Variants in POLG observed in about 807,000 individuals in gnomAD.
The protein encoded by POLG is DNA polymerase gamma, catalytic subunit.
A neutral mutation model predicts 155.4 loss-of-function variants in POLG; 110 were observed. The ratio of observed to expected loss-of-function variants is 0.71; its 90% confidence interval spans 0.61 to 0.83. The LOEUF (loss-of-function observed/expected upper bound fraction) is 0.83. Ranked by LOEUF, POLG falls within the 40% of genes least tolerant of loss-of-function variation. The pLI is 0.00. For synonymous variants in POLG, 701 were observed against 631.5 expected (o/e 1.11, Z -1.65); for missense variants, 1,685 against 1,627.5 (o/e 1.04, Z -0.61).
In POLG at chr15:89,318,618, G is replaced by A. The variant is rs2307445; in HGVS notation, c.3405C>T (p.Asp1135=). The A allele has an allele frequency of 2.0e-5, 32 of 1,614,064 alleles. No individual in the cohort carries two copies. The highest frequency in any genetic ancestry group is 5.3e-5 in the African/African-American group (4 of 74,930). The change falls in exon 21 of 23, where the codon GAC becomes GAT. Residue 1135 remains aspartate (D), a synonymous_variant. Coordinates refer to ENST00000268124, the MANE Select transcript of POLG (RefSeq NM_002693.3). ...IDGRFCISIH[D]EVRYLVREED... is the part of the protein sequence containing the mutation. ...CCTCCCGCACCAGGTAGCGAACCTCGTCATGGATGCTGATGCAGAAGCGCC... is the reference window on the plus strand; with the variant it reads ...CCTCCCGCACCAGGTAGCGAACCTCATCATGGATGCTGATGCAGAAGCGCC...
rs1596346512 is a variant in POLG at position 89,316,432 on chromosome 15, A to G, written c.*319T>C. The G allele has an allele frequency of 1.2e-6, 2 of 1,611,748 alleles. No homozygotes were observed. The highest frequency in any genetic ancestry group is 1.7e-6 in the Non-Finnish European group (2 of 1,178,582). ...CAGAGCATGGGGGACAGAACAAAGA[A>G]CCAGCCAAGAAGAAAAGGAAAAAAT... On this transcript the variant is annotated 3_prime_UTR_variant, in exon 23 of 23. Transcript: ENST00000268124.
intron 2 of POLG, among the ~76,000 whole-genome samples, chr15:89,331,863 A>C (rs373995892): frequency 6.6e-6 from 1 of 151,700 alleles, no homozygotes; most frequent in East Asian, 1.9e-4. Context: ...TCAACTAAGC[A>C]ATGCCCCGAG....
chr15:89,317,357 A>G lies in POLG; in HGVS notation c.3643+19T>C, dbSNP rs1169851025. 5 of 1,613,344 alleles carry G rather than the reference A, an allele frequency of 3.1e-6. No homozygotes were observed. The highest frequency in any genetic ancestry group is 1.1e-5 in the South Asian group (1 of 91,062). On this transcript the variant is annotated intron_variant, in intron 22 of 22. Transcript: ENST00000268124. ...CCTCAGATCCTATGTGTAATGAGGAACAAATGTGTTGTGCTCACCCTGGGG... is the reference window on the plus strand; with the variant it reads ...CCTCAGATCCTATGTGTAATGAGGAGCAAATGTGTTGTGCTCACCCTGGGG...
chr15:89,328,112 T>C (rs1056296283), intron 6 of POLG, among the ~76,000 whole-genome samples: 1 of 152,178 alleles, frequency 6.6e-6, no homozygotes, highest in African/African-American at 2.4e-5. Flanking sequence ...TATACCTGAA[T>C]TTTCAGCATA....
chr15:89,326,452 G>A (rs2055518695), intron 9 of POLG, among the ~76,000 whole-genome samples, 160 bp downstream of exon 9: 2 of 152,334 alleles, frequency 1.3e-5, no homozygotes, highest in Non-Finnish European at 2.9e-5. Flanking sequence ...TCCAGAGTGA[G>A]CAAATGAGAA....
In POLG at chr15:89,333,185, G is replaced by A; in HGVS notation, c.570C>T (p.Pro190=). The part of the protein sequence containing the change: ...PEGEAVPVAI[P]EERALVFDVE... ...CGTCGAACACCAGGGCCCGCTCCTC[G>A]GGGATGGCCACGGGTACGGCCTCCC... The change falls in exon 2 of 23, where the codon CCC becomes CCT. Residue 190 remains proline, a synonymous_variant. Transcript: ENST00000268124. 1 of 1,569,098 alleles carries A rather than the reference G, an allele frequency of 6.4e-7. No homozygotes were observed. Among genetic ancestry groups the A allele is most frequent in the Non-Finnish European group, 8.7e-7 (1 of 1,154,482 alleles).
At chr15:89,324,933 A>AG (rs2055449983) in intron 10 of POLG, among the ~76,000 whole-genome samples, 1 of 152,210 alleles carries the variant, frequency 6.6e-6, no homozygotes, top group Non-Finnish European at 1.5e-5. Flanking sequence ...GCCCAAGAGT[A>AG]GGGCCTTTAG....
chr15:89,333,966 T>G, intron 1 of POLG, 53 bp from the exon 2 acceptor site: 1 of 607,126 alleles, frequency 1.6e-6, no homozygotes, highest in Non-Finnish European at 2.9e-6. Context: ...GTAATAGGTG[T>G]ATCCATAATC....
intron 11 of POLG, 93 bp from the exon 12 acceptor site, chr15:89,323,994 G>A (rs1249118186): frequency 1.9e-6 from 3 of 1,554,508 alleles, no homozygotes; most frequent in Admixed American, 3.3e-5. Context: ...GACACTGCAG[G>A]CCAGTCTGGG....
At chr15:89,320,472 GTATTA>G (rs2055378256) in intron 18 of POLG, among the ~76,000 whole-genome samples, 1 of 152,154 alleles carries the variant, frequency 6.6e-6, no homozygotes, top group South Asian at 2.1e-4. Context: ...TGCAACCCCT[GTATTA>G]TTGATTATGC....
chr15:89,316,829 T>G lies in POLG; in HGVS notation c.3644-2A>C. ...TCTGGTAAATATCCAGCGCTTCACC[T>G]GAAAGATAGTGCAAATTGGTTAGGA... On this transcript the variant is annotated splice_acceptor_variant, in intron 22 of 22. Transcript: ENST00000268124. LOFTEE classifies it high-confidence loss of function. The G allele has an allele frequency of 6.2e-7, 1 of 1,611,264 alleles. No individual in the cohort carries two copies. The highest frequency in any genetic ancestry group is 1.1e-5 in the South Asian group (1 of 91,056).
At chr15:89,330,584 A>G (rs929063311) in intron 2 of POLG, among the ~76,000 whole-genome samples, 1 of 152,214 alleles carries the variant, frequency 6.6e-6, no homozygotes, top group Admixed American at 6.5e-5. Context: ...TGCTAGGCCC[A>G]GCGTTCACTG....
intron 2 of POLG, among the ~76,000 whole-genome samples, 197 bp downstream of exon 2, chr15:89,332,899 G>T (rs1355207918): frequency 6.6e-6 from 1 of 152,096 alleles, no homozygotes; most frequent in Non-Finnish European, 1.5e-5. Context: ...CATTTACTTG[G>T]GTATTTGCTT....
At chr15:89,327,688 G>A (rs890038909) in intron 6 of POLG, among the ~76,000 whole-genome samples, 1 of 152,088 alleles carries the variant, frequency 6.6e-6, no homozygotes, top group Non-Finnish European at 1.5e-5. Context: ...AAAACATCAT[G>A]CCTGAACCTC....
At chr15:89,330,425 G>C in intron 2 of POLG, 149 bp from the exon 3 acceptor site, 1 of 711,858 alleles carries the variant, frequency 1.4e-6, no homozygotes, top group Non-Finnish European at 2.5e-6. Flanking sequence ...AACTCAAACA[G>C]CTACAGGTCA....
At chr15:89,325,061 T>TGA (rs1555453284) in intron 10 of POLG, among the ~76,000 whole-genome samples, 3 of 70,124 alleles carry the variant, frequency 4.3e-5, no homozygotes, top group African/African-American at 1.3e-4. Context: ...AGTGAGAGAG[T>TGA]GAGTGAGTGA....
At chr15:89,327,688 G>T (rs890038909) in intron 6 of POLG, among the ~76,000 whole-genome samples, 3 of 152,088 alleles carry the variant, frequency 2.0e-5, no homozygotes, top group African/African-American at 7.2e-5. Context: ...AAAACATCAT[G>T]CCTGAACCTC....
At chr15:89,334,259 A>G (rs8029986) in intron 1 of POLG, 12,541 of 173,038 alleles carry the variant, frequency 0.072, 1,627 homozygotes, top group African/African-American at 0.28. Flanking sequence ...GTAAAATGGG[A>G]TTACGGATTC....
intron 9 of POLG, 114 bp downstream of exon 9, chr15:89,326,498 G>T: frequency 8.5e-7 from 1 of 1,180,886 alleles, no homozygotes; most frequent in Non-Finnish European, 1.2e-6. Flanking sequence ...ATGGCAGCAG[G>T]TCAATAAGTA....
Sources: allele counts gnomAD v4.1 joint callset (sites outside exome capture counted in the v4.1 genomes callset), GRCh38; gene constraint gnomAD v4.1.1; transcripts MANE v1.5; gene names NCBI Gene and HGNC (gene_info 2026-07-23, HGNC 2026-07-21).